The following TFDP1 variants were observed in gnomAD, a reference collection of about 807,000 sequenced individuals.
TFDP1 encodes the protein DRTF1-polypeptide 1.
TFDP1 carries 6 observed loss-of-function variants against 48.0 expected under a neutral mutation model. The ratio of observed to expected loss-of-function variants is 0.13; its 90% CI spans 0.07 to 0.25. The LOEUF is 0.25. TFDP1 is among the 10% of genes least tolerant of loss of function. The pLI is 1.00. For synonymous variants in TFDP1, 201 were observed against 211.6 expected, an observed-to-expected ratio of 0.95 and a Z score of 0.44; for missense variants, 335 against 543.0, an observed-to-expected ratio of 0.62 and a Z score of 3.81.
chr13:113,625,434 C>T (rs1375410756), intron 4 of TFDP1, among the ~76,000 whole-genome samples: 6 of 113,918 alleles, frequency 5.3e-5, no homozygotes, highest in African/African-American at 7.6e-5. Flanking sequence ...CCTCAGGTGT[C>T]TCTCACATGT....
At chr13:113,634,403 T>A in intron 7 of TFDP1, 131 bp from the exon 8 acceptor site, 1 of 775,844 alleles carries the variant, frequency 1.3e-6, no homozygotes, top group Non-Finnish European at 2.2e-6. Context: ...ATGTCTAGAT[T>A]TGTCCATATC....
chr13:113,585,557 G>T (rs79036957), intron 1 of TFDP1: 17,402 of 339,102 alleles, frequency 0.051, 1,936 homozygotes, highest in African/African-American at 0.27. Flanking sequence ...GACCCTGCGG[G>T]CCCGCGGGCC....
chr13:113,614,586 G>T (rs1214993008), intron 3 of TFDP1, among the ~76,000 whole-genome samples: 1 of 152,198 alleles, frequency 6.6e-6, no homozygotes, highest in Non-Finnish European at 1.5e-5. Context: ...AGGTAGAGGG[G>T]ACCAGCCCAG....
At chr13:113,589,748 A>C (rs1376188389) in intron 2 of TFDP1, among the ~76,000 whole-genome samples, 1 of 152,206 alleles carries the variant, frequency 6.6e-6, no homozygotes, top group African/African-American at 2.4e-5. Flanking sequence ...GAGTCAGTCC[A>C]GCTGCAGGGG....
At chr13:113,611,453 A>T (rs903901887) in intron 3 of TFDP1, among the ~76,000 whole-genome samples, 1 of 152,252 alleles carries the variant, frequency 6.6e-6, no homozygotes, top group African/African-American at 2.4e-5. Context: ...ACCATGGTGC[A>T]TGCCTTCTGC....
At chr13:113,595,216 A>C (rs2048257092) in intron 2 of TFDP1, among the ~76,000 whole-genome samples, 1 of 152,180 alleles carries the variant, frequency 6.6e-6, no homozygotes, top group African/African-American at 2.4e-5. Flanking sequence ...CATTCAAACA[A>C]ATGTGCATCT....
chr13:113,632,866 C>T (rs759390916), intron 5 of TFDP1, among the ~76,000 whole-genome samples: 3 of 152,230 alleles, frequency 2.0e-5, no homozygotes, highest in South Asian at 4.1e-4. Flanking sequence ...GGACGCCTCC[C>T]GTTTTCCCTG....
chr13:113,602,740 A>G lies in TFDP1; in HGVS notation c.13-8256A>G, dbSNP rs1024939953. 3.9e-5 allele frequency among the ~76,000 whole-genome samples: 6 copies of G among 152,102 alleles called. No homozygotes were observed. In the East Asian group the frequency reaches 1.2e-3, roughly 29 times the overall value. ...TGAATCATTTGCAGGGTCCCCCCTG[A>G]GAAGTGTGCGGCCCTGGCGTCCCTC... is the stretch of plus-strand genomic sequence containing the variant. On this transcript the variant is annotated intron_variant, in intron 2 of 11. Transcript: ENST00000375370.
At chr13:113,610,710 C>T (rs1341974624) in intron 2 of TFDP1, among the ~76,000 whole-genome samples, 2 of 152,222 alleles carry the variant, frequency 1.3e-5, no homozygotes, top group East Asian at 3.9e-4. Flanking sequence ...TGAACATTTT[C>T]CTCATCATTA....
intron 4 of TFDP1, among the ~76,000 whole-genome samples, chr13:113,624,234 A>C (rs143972943): frequency 6.6e-6 from 1 of 152,224 alleles, no homozygotes; most frequent in African/African-American, 2.4e-5. Flanking sequence ...GCTGTGGCCC[A>C]GTCCTCTTAA....
At chr13:113,622,052 T>C (rs1378406904) in intron 3 of TFDP1, among the ~76,000 whole-genome samples, 7 of 152,352 alleles carry the variant, frequency 4.6e-5, no homozygotes, top group Non-Finnish European at 5.9e-5. Context: ...CCTCTCTCTC[T>C]CTGCCTCGGC....
intron 2 of TFDP1, among the ~76,000 whole-genome samples, chr13:113,587,902 G>A (rs2048045071): frequency 6.6e-6 from 1 of 152,192 alleles, no homozygotes; most frequent in South Asian, 2.1e-4. Context: ...TGTTGCCCAG[G>A]CTAGAGTGCA....
At chr13:113,636,391 A>T in intron 9 of TFDP1, 143 bp from the exon 10 acceptor site, 1 of 1,059,982 alleles carries the variant, frequency 9.4e-7, no homozygotes, top group Non-Finnish European at 1.4e-6. Context: ...TTCAGAGTTT[A>T]TAAATTCTGT....
chr13:113,609,719 C>A (rs2048660008), intron 2 of TFDP1, among the ~76,000 whole-genome samples: 1 of 152,152 alleles, frequency 6.6e-6, no homozygotes, highest in Admixed American at 6.5e-5. Context: ...TGTGGCGTCT[C>A]CTTGTTCCCA....
chr13:113,631,949 C>G, intron 5 of TFDP1: 1 of 648,686 alleles, frequency 1.5e-6, no homozygotes, highest in Non-Finnish European at 2.5e-6. Flanking sequence ...AGAAGTCGGG[C>G]TGGGCACCGC....
intron 2 of TFDP1, among the ~76,000 whole-genome samples, chr13:113,597,205 GAA>G (rs1401689572): frequency 6.6e-6 from 1 of 152,230 alleles, no homozygotes; most frequent in Non-Finnish European, 1.5e-5. Flanking sequence ...TTCTAAAAGG[GAA>G]AAGAGTATAA....
chr13:113,610,347 C>T (rs1212318349), intron 2 of TFDP1, among the ~76,000 whole-genome samples: 2 of 151,786 alleles, frequency 1.3e-5, no homozygotes, highest in East Asian at 3.9e-4. Flanking sequence ...ATGCGTGTGC[C>T]CCCACCGTGT....
At chr13:113,628,188 GTGTCTGAAGCCGTGTAAAGAC>G (rs2049236635) in intron 4 of TFDP1, among the ~76,000 whole-genome samples, 3 of 151,478 alleles carry the variant, frequency 2.0e-5, no homozygotes, top group African/African-American at 7.3e-5. Context: ...TGTAAAGACT[GTGTCTGAAGCCGTGTAAAGAC>G]TGTCTGGAGC....
intron 1 of TFDP1, chr13:113,585,215 G>A (rs1427078249): frequency 6.7e-6 from 1 of 148,946 alleles, no homozygotes; most frequent in Non-Finnish European, 1.5e-5. Context: ...CGGGGGAGGG[G>A]AGGCCGCCCC....
Sources: allele counts gnomAD v4.1 joint callset (sites outside exome capture counted in the v4.1 genomes callset), GRCh38; gene constraint gnomAD v4.1.1; transcripts MANE v1.5; gene names NCBI Gene and HGNC (gene_info 2026-07-23, HGNC 2026-07-21).